VPS26B: variants seen among roughly 807,000 people sequenced by gnomAD.
VPS26B encodes VPS26 retromer complex component B, also known as vacuolar protein sorting-associated protein 26B.
A neutral mutation model predicts 33.3 loss-of-function variants in VPS26B; 10 were observed. The observed-to-expected ratio is 0.30, with a 90% CI of 0.19 to 0.51. VPS26B has a LOEUF of 0.51. Among genes scored for constraint, VPS26B ranks in the 20% least tolerant of loss-of-function variants. The probability of loss-of-function intolerance (pLI) is 0.98; values close to 1 mark genes in which losing one functional copy is unlikely to be tolerated. For synonymous variants in VPS26B, 190 were observed against 176.9 expected, an observed-to-expected ratio of 1.07 and a Z score of -0.59; for missense variants, 317 against 452.7, an observed-to-expected ratio of 0.70 and a Z score of 2.72.
At chr11:134,229,513 C>CT (rs1182389354) in intron 1 of VPS26B, among the ~76,000 whole-genome samples, 1 of 152,188 alleles carries the variant, frequency 6.6e-6, no homozygotes, top group Non-Finnish European at 1.5e-5. Context: ...ACTGCGTCTC[C>CT]TTTTTTCCCC....
At position 134,240,909 on chromosome 11, in the gene VPS26B, T is replaced by C. The variant is rs971483016; in HGVS notation, c.545+754T>C. Among the ~76,000 whole-genome samples, 1 of 151,830 alleles carries C rather than the reference T, an allele frequency of 6.6e-6. No homozygotes were observed. The highest frequency in any genetic ancestry group is 1.5e-5 in the Non-Finnish European group (1 of 67,948). ...TGCCTGCCTTGGCTTCCCACAGCGC[T>C]GGGACTACAGGCATGAGCCACCATG... is the stretch of plus-strand genomic sequence containing the variant. On this transcript the variant is annotated intron_variant, in intron 3 of 5. Coordinates refer to ENST00000281187, the MANE Select transcript of VPS26B (RefSeq NM_052875.5). The surrounding 1 kb of genome is among the most constrained non-coding windows in gnomAD (Gnocchi z 4.4).
At chr11:134,235,148 G>C in intron 2 of VPS26B, 95 bp downstream of exon 2, 1 of 1,456,952 alleles carries the variant, frequency 6.9e-7, no homozygotes, top group Non-Finnish European at 9.3e-7. Flanking sequence ...TCTTCACAGG[G>C]ATCCCGAGAA....
chr11:134,244,423 G>A lies in VPS26B; in HGVS notation c.722-515G>A, dbSNP rs1200660971. On this transcript the variant is annotated intron_variant, in intron 4 of 5. Transcript: ENST00000281187. This position sits in a 1 kb window ranked among gnomAD's most constrained non-coding sequence, Gnocchi z 4.0. Reference sequence around the variant, plus strand: ...AGAAAATGAAGGTCCAGAGGAAGCAGAGACTTAACTCACAAATCAGAAAAG... The same window carrying A: ...AGAAAATGAAGGTCCAGAGGAAGCAAAGACTTAACTCACAAATCAGAAAAG... 1 of 152,474 alleles carries A rather than the reference G, an allele frequency of 6.6e-6. No homozygotes were observed. The highest frequency in any genetic ancestry group is 1.5e-5 in the Non-Finnish European group (1 of 68,296). The allele number at this position is 152,474 out of a possible 1,614,324, so 9.4% of individuals were successfully genotyped here.
chr11:134,245,660 C>CG lies in VPS26B; in HGVS notation c.*75dup, dbSNP rs1424187332. 1 of 1,502,790 alleles carries CG rather than the reference C, an allele frequency of 6.7e-7. No individual in the cohort carries two copies. The highest frequency in any genetic ancestry group is 2.5e-5 in the East Asian group (1 of 40,736). 93.1% of individuals were successfully genotyped at this position (1,502,790 alleles called of 1,614,324 possible). On this transcript the variant is annotated 3_prime_UTR_variant, in exon 6 of 6. Transcript: ENST00000281187. This position sits in a 1 kb window ranked among gnomAD's most constrained non-coding sequence, Gnocchi z 4.7. ...ATCTACCAACACCAGCGGCTGGGGG[C>CG]GGGGGCGGACCTTGTGAGGCTCAGT...
chr11:134,239,583 TGC>T, intron 2 of VPS26B: 1 of 195,554 alleles, frequency 5.1e-6, no homozygotes, highest in Non-Finnish European at 1.1e-5. Context: ...CGGACTCCTT[TGC>T]CCCAAAAGCC....
chr11:134,242,070 G>C (rs1448403458), intron 3 of VPS26B, among the ~76,000 whole-genome samples: 3 of 152,188 alleles, frequency 2.0e-5, no homozygotes, highest in Non-Finnish European at 4.4e-5. Flanking sequence ...AGCAGCTTTT[G>C]CTTCTGTATA....
chr11:134,236,037 G>A (rs1938627217), intron 2 of VPS26B, among the ~76,000 whole-genome samples: 1 of 152,092 alleles, frequency 6.6e-6, no homozygotes, highest in South Asian at 2.1e-4. Flanking sequence ...TCAGAAGAGT[G>A]AAGGCTCTTT....
At position 134,245,312 on chromosome 11, in the gene VPS26B, G is replaced by A; in HGVS notation, c.865-132G>A. Reference sequence around the variant, plus strand: ...CAGGGACAGGGAGGTGCTGGCAGCTGCTGCCTTTGGTGAGAGAGAAGCAGA... The same window carrying A: ...CAGGGACAGGGAGGTGCTGGCAGCTACTGCCTTTGGTGAGAGAGAAGCAGA... On this transcript the variant is annotated intron_variant, in intron 5 of 5. Transcript: ENST00000281187. This position sits in a 1 kb window ranked among gnomAD's most constrained non-coding sequence, Gnocchi z 4.7. 2 of 1,398,162 alleles carry A rather than the reference G, an allele frequency of 1.4e-6. No individual in the cohort carries two copies. Among genetic ancestry groups the A allele is most frequent in the Non-Finnish European group, 9.7e-7 (1 of 1,030,552 alleles). The allele number at this position is 1,398,162 out of a possible 1,614,324, so 86.6% of individuals were successfully genotyped here.
intron 2 of VPS26B, among the ~76,000 whole-genome samples, chr11:134,237,388 G>A (rs1198706652): frequency 1.3e-5 from 2 of 152,196 alleles, no homozygotes; most frequent in South Asian, 2.1e-4. Flanking sequence ...TGGAGACAGA[G>A]GGCTATCAGG....
chr11:134,233,624 C>T (rs573197067), intron 1 of VPS26B, among the ~76,000 whole-genome samples: 2 of 152,278 alleles, frequency 1.3e-5, no homozygotes, highest in East Asian at 3.9e-4. Context: ...TCTTGGGAGG[C>T]TGAGGCAGAA....
At chr11:134,241,884 T>C (rs1591883407) in intron 3 of VPS26B, among the ~76,000 whole-genome samples, 1 of 152,372 alleles carries the variant, frequency 6.6e-6, no homozygotes, top group Non-Finnish European at 1.5e-5. Flanking sequence ...CGGCTTCTCA[T>C]CTGTAAAACG....
Position 134,224,987 on chromosome 11 carries a change from A to C in VPS26B, c.-136A>C. On this transcript the variant is annotated 5_prime_UTR_variant, in exon 1 of 6. Transcript: ENST00000281187. ...CCGTCGGCGCCCACTGCCCGGCGGC[A>C]GCGGCGGAGCCAGGCAGCCCCGCGG... 1 of 667,500 alleles carries C rather than the reference A, an allele frequency of 1.5e-6. No individual in the cohort carries two copies. The highest frequency in any genetic ancestry group is 2.1e-6 in the Non-Finnish European group (1 of 484,378). 41.3% of individuals were successfully genotyped at this position (667,500 alleles called of 1,614,324 possible).
rs1938696068 is a variant in VPS26B at position 134,240,238 on chromosome 11, C to G, written c.545+83C>G. On this transcript the variant is annotated intron_variant, in intron 3 of 5. Coordinates refer to ENST00000281187, the MANE Select transcript of VPS26B (RefSeq NM_052875.5). This position sits in a 1 kb window ranked among gnomAD's most constrained non-coding sequence, Gnocchi z 4.4. Reference sequence around the variant, plus strand: ...TTGATGCAGATGCAAACTGATGACCCTCTGTGACTCGACTGCTTTGTGGTG... The same window carrying G: ...TTGATGCAGATGCAAACTGATGACCGTCTGTGACTCGACTGCTTTGTGGTG... 3.4e-6 allele frequency: 5 copies of G among 1,476,338 alleles called. No homozygotes were observed. In the South Asian group the frequency reaches 5.9e-5, roughly 17 times the overall value. The allele number at this position is 1,476,338 out of a possible 1,614,324, so 91.5% of individuals were successfully genotyped here.
intron 1 of VPS26B, among the ~76,000 whole-genome samples, chr11:134,233,605 G>A (rs1473791433): frequency 3.3e-5 from 5 of 152,142 alleles, no homozygotes; most frequent in African/African-American, 9.7e-5. Context: ...GATGCCTGTA[G>A]TCTCAGCTTC....
chr11:134,242,646 T>G (rs1053834074), intron 3 of VPS26B, among the ~76,000 whole-genome samples: 1 of 152,242 alleles, frequency 6.6e-6, no homozygotes, highest in Non-Finnish European at 1.5e-5. Context: ...CTCTTCTCAC[T>G]CTACTGCTGC....
At position 134,247,584 on chromosome 11, in the gene VPS26B, T is replaced by TC. The variant is rs1293491381; in HGVS notation, c.*1999dup. 2.6e-5 allele frequency: 4 copies of TC among 152,674 alleles called. No individual in the cohort carries two copies. Among genetic ancestry groups the TC allele is most frequent in the African/African-American group, 9.7e-5 (4 of 41,438 alleles). The allele number at this position is 152,674 out of a possible 1,614,324, so 9.5% of individuals were successfully genotyped here. On this transcript the variant is annotated 3_prime_UTR_variant, in exon 6 of 6. Transcript: ENST00000281187. ...CTGTGAAAGTGAGGGGAGGCTCCTG[T>TC]CCCCCTCTCTTAAGGTCCCCAAACC...
chr11:134,235,042 T>C lies in VPS26B; in HGVS notation c.369T>C (p.Asn123=), dbSNP rs749080280. The stretch of plus-strand genomic sequence containing the variant: ...CGTATGAGTCCTACACAGGGCAGAA[T>C]GTGAAGCTACGGTAAGTGATGTCTG... The part of the protein sequence containing the change: ...EKPYESYTGQ[N]VKLRYFLRAT... Residue 123 remains asparagine, a synonymous_variant, in exon 2 of 6, where the codon AAT becomes AAC. Coordinates refer to ENST00000281187, the MANE Select transcript of VPS26B (RefSeq NM_052875.5). 3.1e-6 allele frequency: 5 copies of C among 1,613,862 alleles called. No homozygotes were observed. In the South Asian group the frequency reaches 3.3e-5, roughly 11 times the overall value.
Position 134,247,178 on chromosome 11 carries a change from C to G in VPS26B, c.*1588C>G, listed in dbSNP as rs1296086885. On this transcript the variant is annotated 3_prime_UTR_variant, in exon 6 of 6. Transcript: ENST00000281187. ...GAACCGAGGAAGGCAAGGTTGTTTC[C>G]CCCACGCTGTGTCCTGTGTTCAGGT... The G allele has an allele frequency of 6.6e-6, 1 of 152,152 alleles. No individual in the cohort carries two copies. The allele number at this position is 152,152 out of a possible 1,614,324, so 9.4% of individuals were successfully genotyped here.
rs866084765 is a variant in VPS26B at position 134,224,879 on chromosome 11, C to T, written c.-244C>T. 1.1e-4 allele frequency: 19 copies of T among 177,294 alleles called. No homozygotes were observed. In the South Asian group the frequency reaches 3.0e-3, roughly 28 times the overall value. 11.0% of individuals were successfully genotyped at this position (177,294 alleles called of 1,614,324 possible). On this transcript the variant is annotated 5_prime_UTR_variant, in exon 1 of 6. Coordinates refer to ENST00000281187, the MANE Select transcript of VPS26B (RefSeq NM_052875.5). ...GACTGGCTCGGCCGAGGGCACTGCT[C>T]CTCGGTGCATTGCTGCTCGGGCGCC...
Sources: allele counts gnomAD v4.1 joint callset (sites outside exome capture counted in the v4.1 genomes callset), GRCh38; gene constraint gnomAD v4.1.1; non-coding constraint Gnocchi (gnomAD v3.1); transcripts MANE v1.5; gene names NCBI Gene and HGNC (gene_info 2026-07-23, HGNC 2026-07-21).